LRRC37A2: variants seen among roughly 807,000 people sequenced by gnomAD.
The protein encoded by LRRC37A2 is leucine-rich repeat-containing protein 37A2.
LRRC37A2 carries 9 observed loss-of-function variants against 68.8 expected under a neutral mutation model. The observed-to-expected ratio is 0.13, with a 90% CI of 0.08 to 0.23. The LOEUF is 0.23. Ranked by LOEUF, LRRC37A2 falls within the 10% of genes least tolerant of loss-of-function variation. The pLI is 1.00. For synonymous variants in LRRC37A2, 63 were observed against 367.6 expected, an observed-to-expected ratio of 0.17 and a Z score of 9.48; for missense variants, 168 against 950.4, an observed-to-expected ratio of 0.18 and a Z score of 10.82.
At chr17:47,026,754 C>A in the LRRC37A2 span, among the ~76,000 whole-genome samples, 2 of 152,022 alleles carry the variant, frequency 1.3e-5, no homozygotes, top group Non-Finnish European at 2.9e-5. Context: ...GAAATTAATT[C>A]TATTAATATG....
the LRRC37A2 span, among the ~76,000 whole-genome samples, chr17:47,028,726 A>G: frequency 6.6e-6 from 1 of 150,690 alleles, no homozygotes; most frequent in Non-Finnish European, 1.5e-5. Context: ...TGGCCAACAT[A>G]GTGAAACCCT....
the LRRC37A2 span, among the ~76,000 whole-genome samples, chr17:46,489,135 T>A: frequency 1.2e-5 from 1 of 85,704 alleles, no homozygotes; most frequent in Admixed American, 1.2e-4. Flanking sequence ...CAGATTTATT[T>A]TTTATTTATT....
chr17:46,787,376 A>ATT, the LRRC37A2 span, among the ~76,000 whole-genome samples: 1 of 152,162 alleles, frequency 6.6e-6, no homozygotes, highest in African/African-American at 2.4e-5. Flanking sequence ...CATGTTAGTG[A>ATT]TTCTATTACA....
chr17:46,962,766 G>A, the LRRC37A2 span, among the ~76,000 whole-genome samples: 1 of 152,200 alleles, frequency 6.6e-6, no homozygotes, highest in Non-Finnish European at 1.5e-5. Context: ...GCAGGACTGA[G>A]CAGTTGAGCC....
chr17:46,710,825 G>T, the LRRC37A2 span: 1 of 704,404 alleles, frequency 1.4e-6, no homozygotes, highest in Non-Finnish European at 2.1e-6. Context: ...TATACAAGTT[G>T]TTTTGCTTTC....
At chr17:46,605,715 TAAA>T in the LRRC37A2 span, among the ~76,000 whole-genome samples, 3 of 35,974 alleles carry the variant, frequency 8.3e-5, no homozygotes, top group Admixed American at 3.0e-4. Context: ...TCCTGAAGGC[TAAA>T]AAAAAAAAAA....
At chr17:46,981,520 G>A in the LRRC37A2 span, among the ~76,000 whole-genome samples, 2 of 152,078 alleles carry the variant, frequency 1.3e-5, no homozygotes, top group Admixed American at 6.5e-5. Flanking sequence ...CTGGCCACTC[G>A]ATCTTGGACT....
the LRRC37A2 span, among the ~76,000 whole-genome samples, chr17:46,866,268 G>A: frequency 2.0e-5 from 3 of 152,140 alleles, no homozygotes; most frequent in Non-Finnish European, 2.9e-5. Context: ...TCTCTTACTG[G>A]GCCAGGCACT....
At chr17:47,026,246 G>C in the LRRC37A2 span, among the ~76,000 whole-genome samples, 1 of 152,142 alleles carries the variant, frequency 6.6e-6, no homozygotes, top group African/African-American at 2.4e-5. Flanking sequence ...AAATGGGAGG[G>C]CAAAACACAG....
At chr17:47,017,602 T>C in the LRRC37A2 span, 11 of 1,598,902 alleles carry the variant, frequency 6.9e-6, no homozygotes, top group Non-Finnish European at 8.5e-6. Flanking sequence ...AAGGACAAGC[T>C]GAGTCCACAG....
the LRRC37A2 span, among the ~76,000 whole-genome samples, chr17:47,036,520 G>A: frequency 6.6e-6 from 1 of 152,058 alleles, no homozygotes; most frequent in African/African-American, 2.4e-5. Flanking sequence ...TTATAATTGT[G>A]TGAGATGTAG....
At chr17:46,386,259 C>A in the LRRC37A2 span, among the ~76,000 whole-genome samples, 1 of 109,314 alleles carries the variant, frequency 9.1e-6, no homozygotes, top group South Asian at 4.1e-4. Flanking sequence ...CCACCATGTC[C>A]AGCAAATTTT....
chr17:46,405,919 T>G, the LRRC37A2 span, among the ~76,000 whole-genome samples: 3 of 147,886 alleles, frequency 2.0e-5, no homozygotes, highest in Admixed American at 2.0e-4. Flanking sequence ...AAAAAGGCTG[T>G]TTTTTTTTTT....
chr17:46,765,041 C>G, the LRRC37A2 span, among the ~76,000 whole-genome samples: 8 of 152,384 alleles, frequency 5.2e-5, no homozygotes, highest in East Asian at 1.2e-3. Flanking sequence ...TGATAATGAG[C>G]TGTCCAAATG....
At chr17:46,597,786 C>A in the LRRC37A2 span, among the ~76,000 whole-genome samples, 1 of 118,710 alleles carries the variant, frequency 8.4e-6, no homozygotes, top group South Asian at 2.7e-4. Flanking sequence ...TGTTGCAATA[C>A]TCTTTTTTTT....
At chr17:47,034,571 C>CGTA in the LRRC37A2 span, among the ~76,000 whole-genome samples, 1 of 152,088 alleles carries the variant, frequency 6.6e-6, no homozygotes, top group African/African-American at 2.4e-5. Flanking sequence ...TACTGCCTTA[C>CGTA]AGTCATTATT....
the LRRC37A2 span, among the ~76,000 whole-genome samples, chr17:46,657,294 C>T: frequency 1.4e-5 from 2 of 140,940 alleles, no homozygotes; most frequent in Admixed American, 1.4e-4. Context: ...TTTGAAAAGT[C>T]AAATGTTAAG....
chr17:46,758,506 G>A, the LRRC37A2 span, among the ~76,000 whole-genome samples: 2,155 of 152,302 alleles, frequency 0.014, 44 homozygotes, highest in African/African-American at 0.049. Flanking sequence ...TTCATCTATA[G>A]GCGAATTGTT....
the LRRC37A2 span, among the ~76,000 whole-genome samples, chr17:46,454,257 A>G: frequency 1.9e-5 from 2 of 103,610 alleles, 1 homozygote; most frequent in African/African-American, 6.9e-5. Context: ...AGAGCTTCAA[A>G]TAATTTTTTA....
Sources: gnomAD v4.1 joint callset for allele counts (sites outside exome capture counted in the v4.1 genomes callset) on GRCh38, gnomAD v4.1.1 for gene constraint, MANE v1.5 for transcripts, NCBI Gene and HGNC (gene_info 2026-07-23, HGNC 2026-07-21) for gene names.